The following PRTG variants were observed in gnomAD, a reference collection of about 807,000 sequenced individuals.
PRTG encodes the protein immunoglobulin superfamily, DCC subclass, member 5.
A neutral mutation model predicts 122.5 loss-of-function variants in PRTG; 67 were observed. The ratio of observed to expected loss-of-function variants is 0.55; its 90% CI spans 0.45 to 0.67. The LOEUF is 0.67. Ranked by LOEUF, PRTG falls within the 30% of genes least tolerant of loss-of-function variation. The pLI is 0.00. For missense variants in PRTG, 1,435 were observed against 1,415.4 expected (o/e 1.01, Z -0.22); for synonymous variants, 554 against 501.1 (o/e 1.11, Z -1.41).
At chr15:55,722,535 C>A (rs994632741) in intron 2 of PRTG, among the ~76,000 whole-genome samples, 1 of 152,082 alleles carries the variant, frequency 6.6e-6, no homozygotes, top group South Asian at 2.1e-4. Flanking sequence ...CAGCCAAGGG[C>A]CCTGAAAAAT....
chr15:55,643,120 TA>T (rs2059301748), intron 11 of PRTG, among the ~76,000 whole-genome samples: 1 of 152,130 alleles, frequency 6.6e-6, no homozygotes, highest in African/African-American at 2.4e-5. Context: ...ATAAAGTTTA[TA>T]AAACTCTCCA....
chr15:55,731,028 G>A (rs1005165407), intron 2 of PRTG, among the ~76,000 whole-genome samples: 1 of 152,120 alleles, frequency 6.6e-6, no homozygotes, highest in Admixed American at 6.5e-5. Context: ...TAAGTTTTAA[G>A]GAATCTTAAA....
intron 8 of PRTG, among the ~76,000 whole-genome samples, chr15:55,677,303 G>C (rs1265674091): frequency 6.6e-6 from 1 of 152,046 alleles, no homozygotes; most frequent in African/African-American, 2.4e-5. Context: ...TATGATTTCA[G>C]AAAACATTCA....
intron 3 of PRTG, 151 bp downstream of exon 3, chr15:55,683,636 A>C: frequency 3.5e-6 from 2 of 573,136 alleles, no homozygotes; most frequent in Non-Finnish European, 5.9e-6. Flanking sequence ...CTGATGATCT[A>C]ATTCTTTGGC....
intron 15 of PRTG, among the ~76,000 whole-genome samples, chr15:55,635,660 C>T (rs938087170): frequency 5.3e-5 from 8 of 152,108 alleles, no homozygotes; most frequent in Non-Finnish European, 8.8e-5. Flanking sequence ...GTGGGGCTTC[C>T]GCTTAATGAA....
chr15:55,637,392 T>C, intron 14 of PRTG, 52 bp from the exon 15 acceptor site: 2 of 1,402,228 alleles, frequency 1.4e-6, no homozygotes, highest in Non-Finnish European at 9.4e-7. Flanking sequence ...GGTTCATAAA[T>C]ACTCAAATAC....
intron 2 of PRTG, among the ~76,000 whole-genome samples, chr15:55,694,384 T>C (rs1353838892): frequency 6.6e-6 from 1 of 152,176 alleles, no homozygotes; most frequent in Non-Finnish European, 1.5e-5. Context: ...AATTTTTATC[T>C]GCCTTTTTAG....
chr15:55,736,735 T>C (rs2031425166), intron 2 of PRTG, among the ~76,000 whole-genome samples: 1 of 152,132 alleles, frequency 6.6e-6, no homozygotes, highest in African/African-American at 2.4e-5. Flanking sequence ...AAGGGTCACA[T>C]AAAAAATTAT....
At chr15:55,728,231 T>C (rs2031106568) in intron 2 of PRTG, among the ~76,000 whole-genome samples, 1 of 152,190 alleles carries the variant, frequency 6.6e-6, no homozygotes, top group African/African-American at 2.4e-5. Context: ...CAATACAGTA[T>C]TTTTATAGGG....
chr15:55,690,257 TTTAAA>T (rs2141827136), intron 2 of PRTG, among the ~76,000 whole-genome samples: 1 of 152,304 alleles, frequency 6.6e-6, no homozygotes, highest in South Asian at 2.1e-4. Flanking sequence ...TTAGGAAACT[TTTAAA>T]GTAATCTCTT....
At chr15:55,695,470 G>A (rs925495737) in intron 2 of PRTG, among the ~76,000 whole-genome samples, 2 of 152,134 alleles carry the variant, frequency 1.3e-5, no homozygotes, top group African/African-American at 2.4e-5. Context: ...GAATCCTAAC[G>A]CAGGGTTTTA....
At chr15:55,718,895 G>C (rs540391544) in intron 2 of PRTG, among the ~76,000 whole-genome samples, 6 of 151,122 alleles carry the variant, frequency 4.0e-5, no homozygotes, top group African/African-American at 1.5e-4. Flanking sequence ...GGTGCACACC[G>C]TCATGCTCGG....
intron 2 of PRTG, among the ~76,000 whole-genome samples, chr15:55,716,345 CT>C (rs2030600768): frequency 6.6e-6 from 1 of 152,100 alleles, no homozygotes; most frequent in South Asian, 2.1e-4. Flanking sequence ...CAAGATTGAG[CT>C]TTTTTCAGGA....
intron 2 of PRTG, among the ~76,000 whole-genome samples, chr15:55,684,221 A>G (rs767867776): frequency 5.9e-5 from 9 of 152,260 alleles, no homozygotes; most frequent in Non-Finnish European, 4.4e-5. Flanking sequence ...ACAATGGTAT[A>G]TAATTACATA....
intron 2 of PRTG, chr15:55,702,801 C>T (rs1225213058): frequency 6.7e-6 from 3 of 447,280 alleles, no homozygotes; most frequent in East Asian, 3.1e-4. Flanking sequence ...CACACATGTG[C>T]AAACACACAC....
At chr15:55,699,583 C>T (rs1226099757) in intron 2 of PRTG, among the ~76,000 whole-genome samples, 1 of 152,154 alleles carries the variant, frequency 6.6e-6, no homozygotes, top group Non-Finnish European at 1.5e-5. Context: ...TTTTCAGCAT[C>T]ATTATTTTGT....
intron 2 of PRTG, among the ~76,000 whole-genome samples, chr15:55,735,925 G>A (rs540470862): frequency 6.6e-6 from 1 of 152,168 alleles, no homozygotes; most frequent in Non-Finnish European, 1.5e-5. Flanking sequence ...AAAGCCTGTA[G>A]AACTATATAT....
chr15:55,696,825 G>A (rs2059634523), intron 2 of PRTG, among the ~76,000 whole-genome samples: 1 of 152,096 alleles, frequency 6.6e-6, no homozygotes, highest in Non-Finnish European at 1.5e-5. Context: ...ACAACCAGGT[G>A]CCATGAAATA....
chr15:55,683,166 C>T (rs2059550480), intron 3 of PRTG, among the ~76,000 whole-genome samples: 2 of 151,544 alleles, frequency 1.3e-5, no homozygotes, highest in African/African-American at 2.4e-5. Context: ...ATATATTGTC[C>T]AAGACATATG....
Sources: allele counts gnomAD v4.1 joint callset (sites outside exome capture counted in the v4.1 genomes callset), GRCh38; gene constraint gnomAD v4.1.1; transcripts MANE v1.5; gene names NCBI Gene and HGNC (gene_info 2026-07-23, HGNC 2026-07-21).